Variants in TSG101 observed in about 807,000 individuals in gnomAD.
TSG101 encodes the protein tumor susceptibility 101, also known as tumor susceptibility gene 101 protein.
A neutral mutation model predicts 48.5 loss-of-function variants in TSG101; 19 were observed. That is an observed-to-expected ratio of 0.39 (90% CI 0.27 to 0.58). TSG101 has a LOEUF of 0.58. TSG101 is among the 20% of genes least tolerant of loss of function. TSG101 has a pLI of 0.55. For missense variants in TSG101, 365 were observed against 484.4 expected (o/e 0.75, Z 2.31); for synonymous variants, 174 against 169.4 (o/e 1.03, Z -0.21).
In TSG101 at chr11:18,506,925, T is replaced by A; in HGVS notation, c.482-2A>T. ...CTGGCATGCCTGGCATGTAGGAAGC[T>A]AAAAACAATTTTTTTCACATTGTAA... On this transcript the variant is annotated splice_acceptor_variant, in intron 5 of 9. Transcript: ENST00000251968. LOFTEE classifies it high-confidence loss of function. 2.5e-6 allele frequency: 4 copies of A among 1,605,422 alleles called. No homozygotes were observed. The highest frequency in any genetic ancestry group is 3.4e-6 in the Non-Finnish European group (4 of 1,174,690).
chr11:18,506,002 A>G (rs1306252734), intron 6 of TSG101, among the ~76,000 whole-genome samples: 3 of 151,892 alleles, frequency 2.0e-5, no homozygotes, highest in Non-Finnish European at 4.4e-5. Context: ...TTTTTAGTAG[A>G]GATGGGGTTT....
At chr11:18,486,374 G>C (rs1454967472) in intron 7 of TSG101, among the ~76,000 whole-genome samples, 1 of 152,220 alleles carries the variant, frequency 6.6e-6, no homozygotes, top group Non-Finnish European at 1.5e-5. Flanking sequence ...TGACTGAGAA[G>C]AAAATCCTGC....
At chr11:18,521,876 G>C (rs925523894) in intron 1 of TSG101, among the ~76,000 whole-genome samples, 1 of 151,828 alleles carries the variant, frequency 6.6e-6, no homozygotes, top group Non-Finnish European at 1.5e-5. Context: ...CTGGATTTTA[G>C]CATGTTGCCC....
chr11:18,498,476 T>C (rs1849819150), intron 7 of TSG101, among the ~76,000 whole-genome samples: 8 of 152,174 alleles, frequency 5.3e-5, no homozygotes. Context: ...GATCAGATTC[T>C]AGATATATTT....
chr11:18,521,359 CTT>C (rs917563952), intron 1 of TSG101, among the ~76,000 whole-genome samples: 8 of 99,830 alleles, frequency 8.0e-5, no homozygotes, highest in African/African-American at 2.1e-4. Flanking sequence ...AAACTGATTC[CTT>C]TTTTTTTTTT....
intron 6 of TSG101, among the ~76,000 whole-genome samples, chr11:18,503,290 C>G (rs997198940): frequency 6.6e-5 from 10 of 152,014 alleles, no homozygotes; most frequent in Non-Finnish European, 1.3e-4. Flanking sequence ...GGAAGACACT[C>G]AACTATTTGG....
chr11:18,522,784 C>T (rs1850300872), intron 1 of TSG101, among the ~76,000 whole-genome samples: 1 of 152,240 alleles, frequency 6.6e-6, no homozygotes, highest in African/African-American at 2.4e-5. Flanking sequence ...CCAGTCTAGC[C>T]ACCATACCCT....
intron 5 of TSG101, 88 bp downstream of exon 5, chr11:18,509,454 A>G: frequency 6.7e-7 from 1 of 1,488,734 alleles, no homozygotes; most frequent in Admixed American, 2.1e-5. Flanking sequence ...AAAAGCAAAG[A>G]AGTCATTATT....
At chr11:18,493,990 T>C (rs1849737215) in intron 7 of TSG101, among the ~76,000 whole-genome samples, 1 of 152,200 alleles carries the variant, frequency 6.6e-6, no homozygotes, top group African/African-American at 2.4e-5. Context: ...ACTTGAGCTC[T>C]AGAAAGTTTC....
chr11:18,520,064 C>T (rs1850243770), intron 1 of TSG101, among the ~76,000 whole-genome samples: 1 of 152,120 alleles, frequency 6.6e-6, no homozygotes, highest in South Asian at 2.1e-4. Flanking sequence ...TTAGCAATCA[C>T]CCCCCATTCT....
At chr11:18,524,469 A>G (rs1850332921) in intron 1 of TSG101, among the ~76,000 whole-genome samples, 1 of 152,228 alleles carries the variant, frequency 6.6e-6, no homozygotes, top group Non-Finnish European at 1.5e-5. Context: ...CAATTCTTAC[A>G]TCAGACCACA....
chr11:18,520,680 ATAGT>A (rs1294304388), intron 1 of TSG101, among the ~76,000 whole-genome samples: 1 of 152,050 alleles, frequency 6.6e-6, no homozygotes, highest in African/African-American at 2.4e-5. Flanking sequence ...TCCCTTTAGT[ATAGT>A]TTCATAGATA....
chr11:18,503,249 T>C (rs1006503112), intron 6 of TSG101, among the ~76,000 whole-genome samples: 1 of 152,196 alleles, frequency 6.6e-6, no homozygotes, highest in African/African-American at 2.4e-5. Context: ...TTCAATATAA[T>C]TTATAAATAG....
chr11:18,525,283 A>T (rs1446179933), intron 1 of TSG101, among the ~76,000 whole-genome samples: 1 of 152,164 alleles, frequency 6.6e-6, no homozygotes, highest in Non-Finnish European at 1.5e-5. Flanking sequence ...GTGGTGGCTC[A>T]CGCCTGTATT....
chr11:18,521,670 C>T (rs2088181), intron 1 of TSG101, among the ~76,000 whole-genome samples: 5,600 of 66,704 alleles, frequency 0.084, 215 homozygotes, highest in Middle Eastern at 0.15. Flanking sequence ...TGGCCCCTTC[C>T]TTTTTTTTTT....
At chr11:18,524,816 G>C (rs552432739) in intron 1 of TSG101, among the ~76,000 whole-genome samples, 2 of 152,172 alleles carry the variant, frequency 1.3e-5, no homozygotes, top group East Asian at 1.9e-4. Context: ...GGTTTCTCTA[G>C]GGAAGCTTAG....
At chr11:18,510,217 T>A (rs1251042965) in intron 4 of TSG101, among the ~76,000 whole-genome samples, 6 of 149,812 alleles carry the variant, frequency 4.0e-5, no homozygotes. Context: ...AGCCAGGAGT[T>A]TGAGACCAGC....
intron 7 of TSG101, 94 bp from the exon 8 acceptor site, chr11:18,484,166 G>T (rs751924467): frequency 3.2e-6 from 4 of 1,248,846 alleles, no homozygotes; most frequent in Non-Finnish European, 3.4e-6. Context: ...AATATGAACC[G>T]ACACTTTCAA....
chr11:18,526,739 G>A lies in TSG101; in HGVS notation c.42+36C>T, dbSNP rs1383677230. 1.9e-6 allele frequency: 3 copies of A among 1,594,242 alleles called. No individual in the cohort carries two copies. In the East Asian group the frequency reaches 6.7e-5, roughly 36 times the overall value. On this transcript the variant is annotated intron_variant, in intron 1 of 9. Coordinates refer to ENST00000251968, the MANE Select transcript of TSG101 (RefSeq NM_006292.4). ...CGACAGGGCGCGGAAGGGAGCGGTG[G>A]GCGCGCCCTGGGAGGCGAGCGCGTC...
Sources: allele counts gnomAD v4.1 joint callset (sites outside exome capture counted in the v4.1 genomes callset), GRCh38; gene constraint gnomAD v4.1.1; transcripts MANE v1.5; gene names NCBI Gene and HGNC (gene_info 2026-07-23, HGNC 2026-07-21).